The following NTM variants were observed in gnomAD, a reference collection of about 807,000 sequenced individuals.
NTM encodes neurotrimin.
NTM carries 13 observed loss-of-function variants against 42.1 expected under a neutral mutation model. The ratio of observed to expected loss-of-function variants is 0.31; its 90% CI spans 0.20 to 0.49. NTM has a LOEUF of 0.49. NTM is among the 20% of genes least tolerant of loss of function. The pLI is 0.99. For synonymous variants in NTM, 187 were observed against 179.2 expected (o/e 1.04, Z -0.35); for missense variants, 373 against 452.8 (o/e 0.82, Z 1.60).
intron 1 of NTM, among the ~76,000 whole-genome samples, chr11:131,452,589 G>A (rs1950564282): frequency 6.6e-6 from 1 of 152,194 alleles, no homozygotes; most frequent in Admixed American, 6.5e-5. Context: ...AATGTCCTCT[G>A]CATGACAGGT....
At chr11:131,763,392 A>C (rs1419139939) in intron 1 of NTM, among the ~76,000 whole-genome samples, 1 of 152,222 alleles carries the variant, frequency 6.6e-6, no homozygotes, top group African/African-American at 2.4e-5. Flanking sequence ...TGCACCCACT[A>C]GTCATTGAAT....
intron 1 of NTM, among the ~76,000 whole-genome samples, chr11:131,564,880 C>T (rs1022600838): frequency 2.6e-5 from 4 of 152,114 alleles, no homozygotes; most frequent in East Asian, 1.9e-4. Context: ...CACACACACA[C>T]ACCTTTCTTC....
At chr11:132,070,879 T>C (rs5027678) in intron 2 of NTM, among the ~76,000 whole-genome samples, 2 of 33,090 alleles carry the variant, frequency 6.0e-5, no homozygotes, top group African/African-American at 2.9e-4. Flanking sequence ...AACACGTCAC[T>C]CAGCCAAGTT....
chr11:131,691,401 C>A (rs1462985422), intron 1 of NTM, among the ~76,000 whole-genome samples: 1 of 152,328 alleles, frequency 6.6e-6, no homozygotes, highest in Non-Finnish European at 1.5e-5. Context: ...CCCGTGCGCC[C>A]AGGGAGTCCA....
chr11:132,323,815 A>C (rs1221133285), intron 7 of NTM, among the ~76,000 whole-genome samples: 3 of 151,988 alleles, frequency 2.0e-5, no homozygotes, highest in Admixed American at 6.6e-5. Flanking sequence ...CACATCAAAA[A>C]GCTTATCCAC....
intron 3 of NTM, among the ~76,000 whole-genome samples, chr11:132,188,137 A>G (rs1189294261): frequency 1.3e-5 from 2 of 152,158 alleles, no homozygotes; most frequent in East Asian, 3.9e-4. Context: ...GGAAGAAATT[A>G]GCATGAAGAT....
At chr11:131,818,819 G>A (rs895081329) in intron 1 of NTM, among the ~76,000 whole-genome samples, 1 of 152,102 alleles carries the variant, frequency 6.6e-6, no homozygotes, top group African/African-American at 2.4e-5. Context: ...GAATTACGAG[G>A]TCTTCTCTCT....
intron 1 of NTM, among the ~76,000 whole-genome samples, chr11:131,827,553 C>T (rs1174021468): frequency 6.6e-6 from 1 of 152,170 alleles, no homozygotes; most frequent in African/African-American, 2.4e-5. Context: ...TGTCATTTGT[C>T]CTTTGTGGAC....
At chr11:132,138,249 T>C (rs7937352) in intron 2 of NTM, among the ~76,000 whole-genome samples, 2,818 of 152,238 alleles carry the variant, frequency 0.019, 86 homozygotes, top group African/African-American at 0.065. Flanking sequence ...AGATAAAGCA[T>C]GGACATCCTG....
intron 1 of NTM, among the ~76,000 whole-genome samples, chr11:131,420,515 G>A (rs373460402): frequency 3.5e-4 from 53 of 152,252 alleles, no homozygotes; most frequent in Non-Finnish European, 6.3e-4. Context: ...CTGTTACAGC[G>A]GCAGTAGGAA....
chr11:132,232,347 C>A (rs143589483), intron 4 of NTM, among the ~76,000 whole-genome samples: 1 of 152,230 alleles, frequency 6.6e-6, no homozygotes, highest in East Asian at 1.9e-4. Context: ...AAGCTGACAA[C>A]TGATCTCCCG....
intron 1 of NTM, among the ~76,000 whole-genome samples, chr11:131,517,175 A>T (rs2048998887): frequency 6.6e-6 from 1 of 152,134 alleles, no homozygotes; most frequent in Admixed American, 6.5e-5. Flanking sequence ...ATTGGGTCTC[A>T]TTTTACAGAT....
chr11:131,733,759 A>T (rs1229838271), intron 1 of NTM, among the ~76,000 whole-genome samples: 1 of 152,110 alleles, frequency 6.6e-6, no homozygotes, highest in East Asian at 1.9e-4. Context: ...GCTGCTCTCG[A>T]ACCCCTGACC....
chr11:131,686,884 T>C (rs1441614186), intron 1 of NTM, among the ~76,000 whole-genome samples: 2 of 152,204 alleles, frequency 1.3e-5, no homozygotes, highest in Non-Finnish European at 2.9e-5. Flanking sequence ...GAATGTTCCA[T>C]CTGCTGGAAA....
chr11:132,263,031 G>A (rs1375028394), intron 4 of NTM, among the ~76,000 whole-genome samples: 1 of 152,226 alleles, frequency 6.6e-6, no homozygotes, highest in Non-Finnish European at 1.5e-5. Context: ...GGCAAGACTA[G>A]ACTACAAGGC....
At chr11:131,496,695 T>C (rs1217954435) in intron 1 of NTM, among the ~76,000 whole-genome samples, 2 of 152,220 alleles carry the variant, frequency 1.3e-5, no homozygotes, top group African/African-American at 4.8e-5. Flanking sequence ...TCCAGTTCAA[T>C]AATGCATTCA....
chr11:132,010,231 T>C (rs567963241), intron 2 of NTM, among the ~76,000 whole-genome samples: 3 of 152,326 alleles, frequency 2.0e-5, no homozygotes, highest in South Asian at 4.1e-4. Flanking sequence ...TAAAACATAC[T>C]GAACACAGAA....
intron 1 of NTM, among the ~76,000 whole-genome samples, chr11:131,908,043 G>A (rs570006235): frequency 2.0e-5 from 3 of 152,170 alleles, no homozygotes; most frequent in East Asian, 1.9e-4. Context: ...CTGCGCCCAC[G>A]AAGCAGGTAT....
rs200031693 is a variant in NTM, at chr11:131,959,348, C to G, written c.167+47700C>G. 4.6e-5 allele frequency among the ~76,000 whole-genome samples: 7 copies of G among 152,262 alleles called. No homozygotes were observed. In the East Asian group the frequency reaches 1.4e-3, roughly 29 times the overall value. On this transcript the variant is annotated intron_variant, in intron 2 of 8. Transcript: ENST00000683400. Reference sequence around the variant, plus strand: ...AACATCCTTGAAAAGATAGTCATGGCCAGGCATAGTTGCTCACACCTGTAA... The same window carrying G: ...AACATCCTTGAAAAGATAGTCATGGGCAGGCATAGTTGCTCACACCTGTAA...
Sources: gnomAD v4.1 joint callset for allele counts (sites outside exome capture counted in the v4.1 genomes callset) on GRCh38, gnomAD v4.1.1 for gene constraint, MANE v1.5 for transcripts, NCBI Gene and HGNC (gene_info 2026-07-23, HGNC 2026-07-21) for gene names.